The following ATG4C variants were observed in gnomAD, a reference collection of about 807,000 sequenced individuals.
The protein encoded by ATG4C is autophagy related 4C cysteine peptidase, also known as cysteine protease ATG4C.
In ATG4C, 56 loss-of-function variants were observed where a neutral mutation model predicts 57.6. That is an observed-to-expected ratio of 0.97 (90% CI 0.78 to 1.21). The LOEUF is 1.21. Among genes scored for constraint, ATG4C ranks in the 50% most tolerant of loss-of-function variants. ATG4C has a pLI of 0.00. For synonymous variants in ATG4C, 157 were observed against 174.1 expected, an observed-to-expected ratio of 0.90 and a Z score of 0.78; for missense variants, 595 against 529.8, an observed-to-expected ratio of 1.12 and a Z score of -1.21.
intron 1 of ATG4C, among the ~76,000 whole-genome samples, chr1:62,786,529 CAAA>C (rs780728043): frequency 2.0e-5 from 2 of 101,096 alleles, no homozygotes; most frequent in Non-Finnish European, 2.1e-5. Flanking sequence ...GACCCTGTCT[CAAA>C]AAAAAAAAAA....
intron 7 of ATG4C, among the ~76,000 whole-genome samples, chr1:62,832,074 G>A (rs1572145755): frequency 6.6e-6 from 1 of 152,066 alleles, no homozygotes; most frequent in East Asian, 1.9e-4. Flanking sequence ...TTTATTTAGG[G>A]GGAAAACAGT....
At position 62,797,294 on chromosome 1, in the gene ATG4C, A is replaced by G. The variant is rs1356696107; in HGVS notation, c.-68-6425A>G. Among the ~76,000 whole-genome samples, 2 of 152,034 alleles carry G rather than the reference A, an allele frequency of 1.3e-5. 1 individual carries two copies. ...TCGATATCTTTTTATAGTGATATAG[A>G]TCTATATAATTATAATATGTATATG... On this transcript the variant is annotated intron_variant, in intron 1 of 10. Transcript: ENST00000317868.
intron 9 of ATG4C, among the ~76,000 whole-genome samples, chr1:62,839,133 A>C (rs1462135279): frequency 6.6e-6 from 1 of 152,176 alleles, no homozygotes; most frequent in Non-Finnish European, 1.5e-5. Context: ...ACCATAGCTC[A>C]CTGGCACCTC....
At chr1:62,819,495 A>G (rs1381028812) in intron 5 of ATG4C, among the ~76,000 whole-genome samples, 160 bp downstream of exon 5, 2 of 152,064 alleles carry the variant, frequency 1.3e-5, no homozygotes, top group Admixed American at 6.6e-5. Flanking sequence ...AAAAGAAGAC[A>G]TATTGCGACT....
At chr1:62,853,716 G>T (rs1666591006) in intron 10 of ATG4C, among the ~76,000 whole-genome samples, 1 of 152,166 alleles carries the variant, frequency 6.6e-6, no homozygotes, top group Non-Finnish European at 1.5e-5. Flanking sequence ...AAAGTGCTGG[G>T]ATTACAGGCA....
chr1:62,813,211 A>C (rs1175454849), intron 3 of ATG4C, among the ~76,000 whole-genome samples: 2 of 152,182 alleles, frequency 1.3e-5, no homozygotes, highest in African/African-American at 4.8e-5. Context: ...ACACTACCTG[A>C]CTTCAAACTA....
intron 7 of ATG4C, among the ~76,000 whole-genome samples, chr1:62,829,615 T>C (rs1422382661): frequency 6.6e-6 from 1 of 152,126 alleles, no homozygotes; most frequent in Non-Finnish European, 1.5e-5. Context: ...ATGAGATTAT[T>C]TCTATAGCTA....
intron 2 of ATG4C, among the ~76,000 whole-genome samples, chr1:62,804,638 A>T (rs1178650571): frequency 6.6e-6 from 1 of 152,114 alleles, no homozygotes; most frequent in Non-Finnish European, 1.5e-5. Flanking sequence ...TATTATTTTT[A>T]ACCTAGTTCC....
chr1:62,826,036 T>C (rs957866073), intron 6 of ATG4C, among the ~76,000 whole-genome samples: 5 of 152,040 alleles, frequency 3.3e-5, no homozygotes, highest in Non-Finnish European at 7.4e-5. Context: ...GCCTCCCAAG[T>C]AGCTGGGATT....
chr1:62,802,129 T>G (rs1054841085), intron 1 of ATG4C, among the ~76,000 whole-genome samples: 10 of 152,064 alleles, frequency 6.6e-5, no homozygotes, highest in African/African-American at 1.9e-4. Context: ...ACCATCTGTT[T>G]AGTTTCACAC....
intron 1 of ATG4C, among the ~76,000 whole-genome samples, chr1:62,803,445 G>A (rs1333689543): frequency 6.6e-6 from 1 of 152,098 alleles, no homozygotes; most frequent in African/African-American, 2.4e-5. Context: ...GAGCAGTTGG[G>A]GGAGATTATT....
intron 3 of ATG4C, among the ~76,000 whole-genome samples, chr1:62,814,639 G>A (rs367650863): frequency 1.3e-3 from 197 of 152,144 alleles, no homozygotes; most frequent in African/African-American, 4.5e-3. Flanking sequence ...GCTTAAAGTT[G>A]CATGGTATAT....
chr1:62,841,321 A>G, intron 9 of ATG4C, 107 bp from the exon 10 acceptor site: 1 of 968,594 alleles, frequency 1.0e-6, no homozygotes, highest in Non-Finnish European at 1.5e-6. Context: ...TTTGAAAATC[A>G]TGTTTATAGT....
intron 3 of ATG4C, among the ~76,000 whole-genome samples, chr1:62,811,256 C>T (rs375891046): frequency 1.3e-5 from 2 of 152,298 alleles, no homozygotes; most frequent in African/African-American, 4.8e-5. Flanking sequence ...TATTTAATTT[C>T]TAGTAATATT....
Position 62,821,226 on chromosome 1 carries a change from A to C in ATG4C, c.796+17A>C. On this transcript the variant is annotated intron_variant, in intron 6 of 10. Transcript: ENST00000317868. ...ATTGTACAGGTAAGGAATGTATATA[A>C]TTCTAATCTTTGTTTTATTTGGTCA... is the stretch of plus-strand genomic sequence containing the variant. 2 of 1,500,518 alleles carry C rather than the reference A, an allele frequency of 1.3e-6. No individual in the cohort carries two copies. Among genetic ancestry groups the C allele is most frequent in the Non-Finnish European group, 1.8e-6 (2 of 1,112,312 alleles). The allele number at this position is 1,500,518 out of a possible 1,614,324, so 93.0% of individuals were successfully genotyped here. A position where few individuals can be genotyped will look rare whatever the true frequency, so the allele number is the denominator to read the frequency against.
chr1:62,864,098 T>A lies in ATG4C; in HGVS notation c.1316T>A (p.Phe439Tyr), dbSNP rs1666933966. 6.2e-7 allele frequency: 1 copy of A among 1,608,514 alleles called. No homozygotes were observed. The highest frequency in any genetic ancestry group is 1.3e-5 in the African/African-American group (1 of 74,608). ...TSTTTNEEDL[F>Y]SEDEKKQLKR... is the part of the protein sequence containing the mutation. ...ACTACAACCAATGAAGAAGACCTTT[T>A]TTCAGAGGATGAAAAGAAACAATTA... The change falls in exon 11 of 11, where the codon TTT becomes TAT. Residue 439 changes from phenylalanine to tyrosine, a missense_variant. Phe to Tyr is a conservative substitution (Grantham distance 22). Coordinates refer to ENST00000317868, the MANE Select transcript of ATG4C (RefSeq NM_032852.4).
At chr1:62,818,612 G>T (rs1470200595) in intron 4 of ATG4C, among the ~76,000 whole-genome samples, 1 of 152,050 alleles carries the variant, frequency 6.6e-6, no homozygotes, top group Non-Finnish European at 1.5e-5. Flanking sequence ...CATTAAGGTA[G>T]AAACATCATT....
intron 10 of ATG4C, among the ~76,000 whole-genome samples, chr1:62,857,133 C>T (rs1417777411): frequency 6.6e-6 from 1 of 152,110 alleles, no homozygotes; most frequent in African/African-American, 2.4e-5. Context: ...GCCCCTGGAC[C>T]ATGGACTCGT....
rs750035661 is a variant in ATG4C, at chr1:62,802,730, TCATCTCATGCCACTTTTTTAGA to T, written c.-68-965_-68-944del. 5.9e-5 allele frequency among the ~76,000 whole-genome samples: 9 copies of T among 152,330 alleles called. No individual in the cohort carries two copies. In the East Asian group the frequency reaches 1.3e-3, roughly 23 times the overall value. On this transcript the variant is annotated intron_variant, in intron 1 of 10. Transcript: ENST00000317868. ...TTGGCATCTATATAACCCTATAGCC[TCATCTCATGCCACTTTTTTAGA>T]CATCTCATGCCACTTTTTTAGACTT...
Sources: gnomAD v4.1 joint callset for allele counts (sites outside exome capture counted in the v4.1 genomes callset) on GRCh38, gnomAD v4.1.1 for gene constraint, MANE v1.5 for transcripts, NCBI Gene and HGNC (gene_info 2026-07-23, HGNC 2026-07-21) for gene names.